PDZD4: variants seen among roughly 807,000 people sequenced by gnomAD.
The protein encoded by PDZD4 is PDZ domain-containing protein 4.
A neutral mutation model predicts 38.5 loss-of-function variants in PDZD4; 9 were observed. That is an observed-to-expected ratio of 0.23 (90% CI 0.14 to 0.41). PDZD4 has a LOEUF of 0.41. Among genes scored for constraint, PDZD4 ranks in the 10% least tolerant of loss-of-function variants. The pLI is 1.00. For missense variants in PDZD4, 612 were observed against 722.0 expected, an observed-to-expected ratio of 0.85 and a Z score of 1.75; for synonymous variants, 349 against 315.7, an observed-to-expected ratio of 1.11 and a Z score of -1.12.
rs1476214181 is a variant in PDZD4, at chrX:153,806,679, C to G, written c.504+63G>C. 4.8e-6 allele frequency: 5 copies of G among 1,050,115 alleles called. No homozygotes were observed. The East Asian group carries it at 1.2e-4, about 26-fold the overall frequency. 86.5% of individuals were successfully genotyped at this position (1,050,115 alleles called of 1,213,427 possible). On this transcript the variant is annotated intron_variant, in intron 4 of 7. Coordinates refer to ENST00000393758, the MANE Select transcript of PDZD4 (RefSeq NM_001303512.2). Reference sequence around the variant, plus strand: ...CTGGTAGCTGGGACCTTAAGGGCAGCCTCTGAGCCACAGGCAGGCCATGTG... The same window carrying G: ...CTGGTAGCTGGGACCTTAAGGGCAGGCTCTGAGCCACAGGCAGGCCATGTG...
intron 1 of PDZD4, among the ~76,000 whole-genome samples, chrX:153,816,436 G>T (rs782572495): frequency 6.4e-5 from 7 of 108,957 alleles, no homozygotes; most frequent in African/African-American, 2.0e-4. Flanking sequence ...TCTGTGGGCC[G>T]AGGACATGTG....
At position 153,808,559 on chromosome X, in the gene PDZD4, G is replaced by C; in HGVS notation, c.97C>G (p.Gln33Glu). Residue 33 changes from glutamine to glutamate, a missense_variant, in exon 2 of 8, where the codon CAA becomes GAA. Physicochemically the swap from Gln to Glu is conservative, Grantham distance 29. This residue lies in a region of PDZD4 where 225 missense variants were observed against 311.0 expected (regional missense o/e 0.72). Transcript: ENST00000393758. ...GAGGAGCGCAGGGCCTGCAGAGTTT[G>C]CTCCTGAGACAGCTTGGAGAGCTCC... The part of the protein sequence containing the change: ...GKELSKLSQE[Q>E]TLQALRSSKE... 8.4e-7 allele frequency: 1 copy of C among 1,194,739 alleles called. No homozygotes were observed. Among genetic ancestry groups the C allele is most frequent in the East Asian group, 3.0e-5 (1 of 33,445 alleles).
chrX:153,804,219 G>C lies in PDZD4; in HGVS notation c.1462C>G (p.Leu488Val), dbSNP rs961421828. 4.2e-6 allele frequency: 5 copies of C among 1,203,573 alleles called. No individual in the cohort carries two copies. Among genetic ancestry groups the C allele is most frequent in the Non-Finnish European group, 5.6e-6 (5 of 892,256 alleles). The change falls in exon 8 of 8, where the codon CTG becomes GTG. Residue 488 changes from leucine to valine, a missense_variant. Leu to Val is a conservative substitution (Grantham distance 32, BLOSUM62 1). This residue lies in a region of PDZD4 where 300 missense variants were observed against 284.6 expected (regional missense o/e 1.05). Transcript: ENST00000393758. The part of the protein sequence containing the change: ...NTGESCRSTP[L>V]LVEPLPESPL... Reference sequence around the variant, plus strand: ...CTCTCGGGCAGGGGCTCCACAAGCAGCGGGGTGCTGCGGCAGCTCTCCCCA... The same window carrying C: ...CTCTCGGGCAGGGGCTCCACAAGCACCGGGGTGCTGCGGCAGCTCTCCCCA...
chrX:153,824,272 A>C (rs1557081998), intron 1 of PDZD4, among the ~76,000 whole-genome samples: 1 of 110,998 alleles, frequency 9.0e-6, no homozygotes, highest in Non-Finnish European at 1.9e-5. Flanking sequence ...CAATGACACA[A>C]AACAGGATGA....
intron 1 of PDZD4, among the ~76,000 whole-genome samples, chrX:153,828,253 C>T (rs1557082937): frequency 8.9e-6 from 1 of 112,560 alleles, no homozygotes. Context: ...TGGGACAGCT[C>T]ATGGCTTGCA....
chrX:153,819,726 CGAGTA>C (rs1248421192), intron 1 of PDZD4, among the ~76,000 whole-genome samples: 2 of 112,425 alleles, frequency 1.8e-5, no homozygotes, highest in Non-Finnish European at 1.9e-5. Flanking sequence ...GATCTCCCAA[CGAGTA>C]GAGCATCAGA....
At chrX:153,822,282 A>G (rs949565625) in intron 1 of PDZD4, among the ~76,000 whole-genome samples, 41 of 109,972 alleles carry the variant, frequency 3.7e-4, no homozygotes, top group Non-Finnish European at 7.4e-4. Flanking sequence ...CTCAAGATCA[A>G]CCTTCGGGTA....
At chrX:153,821,573 G>C (rs965866813) in intron 1 of PDZD4, among the ~76,000 whole-genome samples, 5 of 111,408 alleles carry the variant, frequency 4.5e-5, no homozygotes, top group African/African-American at 1.6e-4. Flanking sequence ...CAAGGCCCTG[G>C]CTACTCACAG....
chrX:153,811,738 G>T (rs2064311679), intron 1 of PDZD4, among the ~76,000 whole-genome samples: 1 of 112,531 alleles, frequency 8.9e-6, no homozygotes, highest in South Asian at 3.6e-4. Context: ...GAAGGTATTT[G>T]TTGGAAGACC....
At chrX:153,805,998 G>C in intron 5 of PDZD4, 73 bp downstream of exon 5, 2 of 1,091,192 alleles carry the variant, frequency 1.8e-6, no homozygotes, top group Non-Finnish European at 2.5e-6. Flanking sequence ...GCTAGGGACT[G>C]GCTAAAGAGA....
chrX:153,816,289 G>C (rs1160664547), intron 1 of PDZD4, among the ~76,000 whole-genome samples: 3 of 109,110 alleles, frequency 2.7e-5, no homozygotes, highest in Non-Finnish European at 5.8e-5. Context: ...GGAGGGGGTC[G>C]TGGTGGGCAT....
intron 1 of PDZD4, among the ~76,000 whole-genome samples, chrX:153,818,615 G>GCCCTC (rs2064386172): frequency 9.1e-6 from 1 of 109,558 alleles, no homozygotes; most frequent in Non-Finnish European, 1.9e-5. Context: ...CGGGAGGGAA[G>GCCCTC]CCGAGGAGCT....
At chrX:153,826,637 C>T (rs2064484840) in intron 1 of PDZD4, among the ~76,000 whole-genome samples, 1 of 111,274 alleles carries the variant, frequency 9.0e-6, no homozygotes, top group Non-Finnish European at 1.9e-5. Context: ...GTCTTGAACT[C>T]CTAAGCACAG....
chrX:153,827,257 A>G (rs1255200062), intron 1 of PDZD4, among the ~76,000 whole-genome samples: 2 of 112,366 alleles, frequency 1.8e-5, no homozygotes, highest in African/African-American at 6.5e-5. Context: ...GGCCATAACA[A>G]AAACCCAGAA....
chrX:153,810,052 C>T (rs782040775), intron 1 of PDZD4, among the ~76,000 whole-genome samples: 6 of 112,320 alleles, frequency 5.3e-5, no homozygotes, highest in East Asian at 2.8e-4. Context: ...AGAGAAGGGA[C>T]GAATGACTAA....
intron 1 of PDZD4, among the ~76,000 whole-genome samples, chrX:153,811,766 G>A (rs1411856816): frequency 8.9e-6 from 1 of 112,137 alleles, no homozygotes; most frequent in Admixed American, 9.4e-5. Context: ...TGTCAGTCAG[G>A]ACAGGGCATG....
intron 1 of PDZD4, chrX:153,829,859 C>G: frequency 2.5e-6 from 2 of 791,473 alleles, no homozygotes; most frequent in Non-Finnish European, 3.0e-6. Flanking sequence ...CTCCCACGCT[C>G]CAGGCCCGCC....
In PDZD4 at chrX:153,804,062, G is replaced by A. The variant is rs1557075796; in HGVS notation, c.1619C>T (p.Pro540Leu). The A allele has an allele frequency of 8.6e-7, 1 of 1,158,912 alleles. No individual in the cohort carries two copies. Among genetic ancestry groups the A allele is most frequent in the Admixed American group, 2.6e-5 (1 of 38,587 alleles). The part of the protein sequence containing the change: ...PAKFRSLSRD[P>L]EAGRRQHAEE... ...CGCGTGCTGCCTCCGGCCGGCCTCA[G>A]GATCCCGGGAGAGGGACCGGAACTT... The change falls in exon 8 of 8, where the codon CCT becomes CTT. Residue 540 changes from proline (P) to leucine (L), a missense_variant. Around this residue, in one of 3 missense-constraint regions of PDZD4, gnomAD observed 300 missense variants for 284.6 expected, o/e 1.05. Transcript: ENST00000393758.
intron 3 of PDZD4, 140 bp downstream of exon 3, chrX:153,807,139 G>A (rs1344077697): frequency 1.7e-5 from 10 of 585,697 alleles, no homozygotes; most frequent in East Asian, 7.2e-5. Context: ...GACGGAACAC[G>A]TAACCTCACC....
Sources: gnomAD v4.1 joint callset for allele counts (sites outside exome capture counted in the v4.1 genomes callset) on GRCh38, gnomAD v4.1.1 for gene constraint, gnomAD v4.1.1 regional missense constraint, MANE v1.5 for transcripts, NCBI Gene and HGNC (gene_info 2026-07-23, HGNC 2026-07-21) for gene names.